TRAPPC9: variants seen among roughly 807,000 people sequenced by gnomAD.
TRAPPC9 encodes the protein IKK2 binding protein.
A neutral mutation model predicts 124.0 loss-of-function variants in TRAPPC9; 83 were observed. That is an observed-to-expected ratio of 0.67 (90% CI 0.56 to 0.80). The LOEUF (loss-of-function observed/expected upper bound fraction) is 0.80. TRAPPC9 is among the 30% of genes least tolerant of loss of function. TRAPPC9 has a pLI of 0.00. For missense variants in TRAPPC9, 1,302 were observed against 1,508.3 expected (o/e 0.86, Z 2.27); for synonymous variants, 638 against 617.5 (o/e 1.03, Z -0.49).
At chr8:140,306,161 A>G (rs1056050309) in intron 10 of TRAPPC9, among the ~76,000 whole-genome samples, 2 of 152,176 alleles carry the variant, frequency 1.3e-5, no homozygotes, top group African/African-American at 2.4e-5. Context: ...GGGGGAAAAA[A>G]GATCTTGCTT....
intron 17 of TRAPPC9, among the ~76,000 whole-genome samples, chr8:140,130,537 A>T (rs2061188995): frequency 6.6e-6 from 1 of 152,240 alleles, no homozygotes; most frequent in Non-Finnish European, 1.5e-5. Flanking sequence ...CAAGGTCATG[A>T]ACATTAAAGA....
At chr8:140,273,460 C>A (rs1180502366) in intron 15 of TRAPPC9, among the ~76,000 whole-genome samples, 1 of 152,186 alleles carries the variant, frequency 6.6e-6, no homozygotes, top group Non-Finnish European at 1.5e-5. Context: ...TTCCCTTATC[C>A]TAGAGACAGG....
intron 20 of TRAPPC9, among the ~76,000 whole-genome samples, chr8:139,909,342 C>T (rs1422805973): frequency 6.6e-6 from 1 of 152,192 alleles, no homozygotes; most frequent in Non-Finnish European, 1.5e-5. Flanking sequence ...ATGTCACCTC[C>T]TCTATGAAGC....
At chr8:140,184,355 T>C (rs1391032868) in intron 17 of TRAPPC9, among the ~76,000 whole-genome samples, 1 of 152,166 alleles carries the variant, frequency 6.6e-6, no homozygotes, top group Non-Finnish European at 1.5e-5. Flanking sequence ...TGTTTGTCTA[T>C]TTGGTAGAAG....
At chr8:140,310,613 G>A (rs751621521) in intron 10 of TRAPPC9, among the ~76,000 whole-genome samples, 36 of 152,262 alleles carry the variant, frequency 2.4e-4, no homozygotes, top group Admixed American at 1.0e-3. Flanking sequence ...TCTTAGGAGT[G>A]ACAGTCACAC....
intron 19 of TRAPPC9, among the ~76,000 whole-genome samples, chr8:139,921,103 C>T (rs1164236900): frequency 6.6e-6 from 1 of 152,244 alleles, no homozygotes. Context: ...TCTTGCAGCA[C>T]AGCTAGAGGA....
chr8:139,905,358 A>G (rs1831289022), intron 20 of TRAPPC9, among the ~76,000 whole-genome samples: 1 of 152,224 alleles, frequency 6.6e-6, no homozygotes, highest in Non-Finnish European at 1.5e-5. Context: ...GTCCTTTGTG[A>G]AAACTTTGAT....
chr8:139,834,179 C>T (rs1016115031), intron 21 of TRAPPC9, among the ~76,000 whole-genome samples: 1 of 152,098 alleles, frequency 6.6e-6, no homozygotes, highest in African/African-American at 2.4e-5. Flanking sequence ...GGAGCTGAGT[C>T]ACAAGGGACT....
chr8:140,112,039 C>A (rs1277498704), intron 17 of TRAPPC9, among the ~76,000 whole-genome samples: 1 of 152,258 alleles, frequency 6.6e-6, no homozygotes, highest in African/African-American at 2.4e-5. Flanking sequence ...CTTTGGGTAG[C>A]CCTTCTCCTT....
chr8:140,077,754 T>G (rs1277991002), intron 17 of TRAPPC9, among the ~76,000 whole-genome samples: 4 of 151,860 alleles, frequency 2.6e-5, no homozygotes, highest in Admixed American at 1.3e-4. Flanking sequence ...ACCAGAAATG[T>G]TGAGATGGGG....
At chr8:140,351,556 C>T (rs1247941543) in intron 9 of TRAPPC9, among the ~76,000 whole-genome samples, 4 of 151,988 alleles carry the variant, frequency 2.6e-5, no homozygotes, top group Admixed American at 6.6e-5. Context: ...ACTGCTTCAG[C>T]CCAAGAGGAC....
chr8:139,941,142 G>C (rs1194433856), intron 19 of TRAPPC9, among the ~76,000 whole-genome samples: 1 of 152,244 alleles, frequency 6.6e-6, no homozygotes, highest in African/African-American at 2.4e-5. Flanking sequence ...GGGCAGCAGA[G>C]CCTTGGGCAG....
Position 140,129,241 on chromosome 8 carries a change from C to T in TRAPPC9, c.2556+92218G>A, listed in dbSNP as rs549194615. ...GGGTGAGGCAGGGCAGGCAGGTATC[C>T]GTGAGGAGGGGAGGCTGGCTCGGGT... is the stretch of plus-strand genomic sequence containing the variant. On this transcript the variant is annotated intron_variant, in intron 17 of 22. Coordinates refer to ENST00000438773, the MANE Select transcript of TRAPPC9 (RefSeq NM_001160372.4). Among the ~76,000 whole-genome samples the T allele has an allele frequency of 4.4e-4, 67 of 152,104 alleles. No homozygotes were observed. The South Asian group carries it at 7.9e-3, about 18-fold the overall frequency.
intron 21 of TRAPPC9, among the ~76,000 whole-genome samples, chr8:139,799,412 C>G (rs1329860605): frequency 6.6e-6 from 1 of 152,142 alleles, no homozygotes; most frequent in Non-Finnish European, 1.5e-5. Context: ...TTCCACTGAC[C>G]ACACTGCTTC....
chr8:140,341,113 G>A (rs776510958), intron 9 of TRAPPC9, among the ~76,000 whole-genome samples: 6 of 152,150 alleles, frequency 3.9e-5, no homozygotes, highest in Non-Finnish European at 5.9e-5. Context: ...TCTATGATTA[G>A]GCTGGGATTA....
At chr8:140,426,777 AG>A in intron 4 of TRAPPC9, 136 bp from the exon 5 acceptor site, 1 of 831,314 alleles carries the variant, frequency 1.2e-6, no homozygotes. Context: ...AGCAATTCTG[AG>A]GAACAGTATG....
chr8:139,789,781 CGA>C (rs1344035484), intron 21 of TRAPPC9, among the ~76,000 whole-genome samples: 1 of 151,988 alleles, frequency 6.6e-6, no homozygotes, highest in South Asian at 2.1e-4. Flanking sequence ...TTAGGAAAAC[CGA>C]GAGAATCATG....
At chr8:140,379,805 T>C (rs949532931) in intron 7 of TRAPPC9, among the ~76,000 whole-genome samples, 2 of 152,192 alleles carry the variant, frequency 1.3e-5, no homozygotes, top group Admixed American at 1.3e-4. Context: ...TACAACACCT[T>C]ATCTAAATAT....
intron 9 of TRAPPC9, among the ~76,000 whole-genome samples, chr8:140,323,398 A>C (rs2066650096): frequency 6.6e-6 from 1 of 152,176 alleles, no homozygotes. Context: ...TCTCTGATTC[A>C]CAGACAGTCA....
Sources: gnomAD v4.1 joint callset for allele counts (sites outside exome capture counted in the v4.1 genomes callset) on GRCh38, gnomAD v4.1.1 for gene constraint, MANE v1.5 for transcripts, NCBI Gene and HGNC (gene_info 2026-07-23, HGNC 2026-07-21) for gene names.